Variants in SLC2A5 observed in about 807,000 individuals in gnomAD.
SLC2A5 encodes the protein solute carrier family 2, facilitated glucose transporter member 5.
Under a neutral mutation model 50.3 loss-of-function variants are expected in SLC2A5, and 56 were observed. The observed-to-expected ratio is 1.11, with a 90% confidence interval of 0.90 to 1.39. The LOEUF (loss-of-function observed/expected upper bound fraction) is 1.39, where lower values mean the gene tolerates loss of function less well. SLC2A5 is among the 40% of genes most tolerant of loss of function. The probability of loss-of-function intolerance (pLI) is 0.00; values close to 1 mark genes in which losing one functional copy is unlikely to be tolerated. For missense variants in SLC2A5, 566 were observed against 650.1 expected (o/e 0.87, Z 1.41); for synonymous variants, 269 against 281.9 (o/e 0.95, Z 0.46).
At position 9,038,878 on chromosome 1, in the gene SLC2A5, A is replaced by T. The variant is rs1448708273; in HGVS notation, c.1048T>A (p.Ser350Thr). ...GRRLLLLLGFSICLIACCVLT... is the reference protein window; with the variant it reads ...GRRLLLLLGFTICLIACCVLT... ...ACGCAGCAGGCTATGAGGCAGATGGAGAAGCCCAGCAGCAGCAGCAGCCTC... is the reference window on the plus strand; with the variant it reads ...ACGCAGCAGGCTATGAGGCAGATGGTGAAGCCCAGCAGCAGCAGCAGCCTC... The change falls in exon 9 of 12, where the codon TCC becomes ACC. Residue 350 changes from serine to threonine, a missense_variant. Physicochemically the swap from Ser to Thr is moderately conservative, Grantham distance 58. Coordinates refer to ENST00000377424, the MANE Select transcript of SLC2A5 (RefSeq NM_003039.3). 1 of 1,612,716 alleles carries T rather than the reference A, an allele frequency of 6.2e-7. No individual in the cohort carries two copies. The highest frequency in any genetic ancestry group is 8.5e-7 in the Non-Finnish European group (1 of 1,179,842).
upstream of SLC2A5, among the ~76,000 whole-genome samples, chr1:9,092,607 T>G (rs1454937864): frequency 6.6e-6 from 1 of 152,160 alleles, no homozygotes; most frequent in Non-Finnish European, 1.5e-5. Context: ...GGGTTCAATT[T>G]CTTTTAGTTC....
intron 4 of SLC2A5, among the ~76,000 whole-genome samples, chr1:9,047,395 T>C (rs1289593175): frequency 1.3e-5 from 2 of 152,210 alleles, no homozygotes; most frequent in African/African-American, 4.8e-5. Flanking sequence ...AGATTCTGCA[T>C]TTCAGTCTTT....
At chr1:9,048,263 C>A (rs1409543399) in intron 3 of SLC2A5, among the ~76,000 whole-genome samples, 2 of 152,156 alleles carry the variant, frequency 1.3e-5, no homozygotes, top group Non-Finnish European at 2.9e-5. Context: ...AATCCCAGCA[C>A]TTTGGGAGGC....
In SLC2A5 at chr1:9,039,635, G is replaced by A. The variant is rs371249455; in HGVS notation, c.913C>T (p.Leu305=). The A allele has an allele frequency of 1.3e-6, 2 of 1,560,092 alleles. No individual in the cohort carries two copies. Among genetic ancestry groups the A allele is most frequent in the African/African-American group, 2.7e-5 (2 of 73,268 alleles). ...AIYYYADQIY[L]SAGVPEEHVQ... ...TGCTCCTCCGGCACGCCGGCGCTCA[G>A]GTAGATCTGGTCCGCGTAGTAGTAG... The change falls in exon 8 of 12, where the codon CTG becomes TTG. Residue 305 remains leucine, a synonymous_variant. Transcript: ENST00000377424.
chr1:9,036,037 G>C lies in SLC2A5; in HGVS notation c.*1549C>G, dbSNP rs1641128260. The C allele has an allele frequency of 6.6e-6, 1 of 152,170 alleles. No individual in the cohort carries two copies. The allele number at this position is 152,170 out of a possible 1,614,324, so 9.4% of individuals were successfully genotyped here. A position where few individuals can be genotyped will look rare whatever the true frequency, so the allele number is the denominator to read the frequency against. On this transcript the variant is annotated 3_prime_UTR_variant, in exon 12 of 12. Coordinates refer to ENST00000377424, the MANE Select transcript of SLC2A5 (RefSeq NM_003039.3). Reference sequence around the variant, plus strand: ...TTATGGGAGCTACAATTCAAGATGAGATTTGGGTGGGGACACAGCCAAACC... The same window carrying C: ...TTATGGGAGCTACAATTCAAGATGACATTTGGGTGGGGACACAGCCAAACC...
intron 2 of SLC2A5, among the ~76,000 whole-genome samples, chr1:9,083,625 C>T (rs1238475973): frequency 6.6e-6 from 1 of 151,502 alleles, no homozygotes; most frequent in Non-Finnish European, 1.5e-5. Context: ...GAGTTCAAGA[C>T]CGGCCTGGCC....
At position 9,040,117 on chromosome 1, in the gene SLC2A5, T is replaced by C. The variant is rs1478864503; in HGVS notation, c.644A>G (p.Glu215Gly). 6.3e-7 allele frequency: 1 copy of C among 1,599,720 alleles called. No individual in the cohort carries two copies. Among genetic ancestry groups the C allele is most frequent in the South Asian group, 1.1e-5 (1 of 89,372 alleles). ...LQLLLLPFFP[E>G]SPRYLLIQKK... is the part of the protein sequence containing the mutation. ...CTGAATCAGCAGGTACCTGGGGCTC[T>C]CGGGGAAGAAGGGCAGCAGAAGGAG... The change falls in exon 6 of 12, where the codon GAG (glutamate) becomes GGG (glycine). Residue 215 changes from glutamate to glycine, a missense_variant. Glu to Gly is a moderately conservative substitution (Grantham distance 98). Coordinates refer to ENST00000377424, the MANE Select transcript of SLC2A5 (RefSeq NM_003039.3). This position sits in a 1 kb window ranked among gnomAD's most constrained non-coding sequence, Gnocchi z 4.3.
chr1:9,083,717 C>T (rs944440692), intron 2 of SLC2A5, among the ~76,000 whole-genome samples: 1 of 152,032 alleles, frequency 6.6e-6, no homozygotes, highest in South Asian at 2.1e-4. Context: ...CCCAGCTACT[C>T]GGGAGGCTGA....
At chr1:9,048,910 G>A (rs535574230) in intron 3 of SLC2A5, among the ~76,000 whole-genome samples, 1 of 152,254 alleles carries the variant, frequency 6.6e-6, no homozygotes, top group South Asian at 2.1e-4. Context: ...GCCCACCTCA[G>A]TCTCCCAAAC....
chr1:9,047,586 G>A, intron 4 of SLC2A5, 24 bp downstream of exon 4: 1 of 1,609,454 alleles, frequency 6.2e-7, no homozygotes, highest in Non-Finnish European at 8.5e-7. Context: ...TCACAGAATG[G>A]CAATACAGCA....
chr1:9,058,368 T>G, intron 1 of SLC2A5, 118 bp from the exon 2 acceptor site: 6 of 728,858 alleles, frequency 8.2e-6, no homozygotes, highest in Non-Finnish European at 1.4e-5. Flanking sequence ...TTGAGACTAC[T>G]CCATTCCTTG....
At chr1:9,052,039 A>G (rs1322967120) in intron 3 of SLC2A5, among the ~76,000 whole-genome samples, 2 of 152,218 alleles carry the variant, frequency 1.3e-5, no homozygotes, top group Non-Finnish European at 2.9e-5. Context: ...TAATCCCAGC[A>G]CCTTGGGAGG....
chr1:9,059,655 G>A (rs571729486), intron 1 of SLC2A5, among the ~76,000 whole-genome samples: 87 of 144,958 alleles, frequency 6.0e-4, no homozygotes, highest in Non-Finnish European at 1.0e-3. Context: ...TCAGCCTCCC[G>A]AGTAGCTGAG....
intron 3 of SLC2A5, among the ~76,000 whole-genome samples, chr1:9,050,951 T>C (rs1213128252): frequency 6.6e-6 from 1 of 152,124 alleles, no homozygotes; most frequent in Non-Finnish European, 1.5e-5. Context: ...CAGCGTCAAC[T>C]GGACTGATGA....
chr1:9,089,914 C>T (rs1269896947), upstream of SLC2A5, among the ~76,000 whole-genome samples: 2 of 152,168 alleles, frequency 1.3e-5, no homozygotes, highest in Non-Finnish European at 2.9e-5. Context: ...CCATGGAACC[C>T]AGGGTAATTT....
chr1:9,057,369 G>A, intron 3 of SLC2A5, 79 bp downstream of exon 3: 1 of 914,174 alleles, frequency 1.1e-6, no homozygotes, highest in Non-Finnish European at 1.6e-6. Flanking sequence ...TCATGGTAAG[G>A]ATTTCAGTTG....
rs540177172 is a variant in SLC2A5 at position 9,047,664 on chromosome 1, C to T, written c.364G>A (p.Ala122Thr). 25 of 1,613,954 alleles carry T rather than the reference C, an allele frequency of 1.5e-5. No individual in the cohort carries two copies. The East Asian group carries it at 2.7e-4, about 17-fold the overall frequency. The change falls in exon 4 of 12, where the codon GCC (alanine) becomes ACC (threonine). Residue 122 changes from alanine (A) to threonine (T), a missense_variant. Physicochemically the swap from Ala to Thr is moderately conservative, Grantham distance 58. Coordinates refer to ENST00000377424, the MANE Select transcript of SLC2A5 (RefSeq NM_003039.3). The stretch of plus-strand genomic sequence containing the variant: ...ATAATGATAAGCTCAAATGATGTGG[C>T]GACTCTGCTGCATCCCATTAAGATC... ...PAILMGCSRVATSFELIIISR... is the reference protein window; with the variant it reads ...PAILMGCSRVTTSFELIIISR...
At chr1:9,064,227 G>C (rs191057901) in intron 1 of SLC2A5, among the ~76,000 whole-genome samples, 2 of 152,262 alleles carry the variant, frequency 1.3e-5, no homozygotes, top group South Asian at 2.1e-4. Flanking sequence ...TAGAAAGAAG[G>C]CTTAAGCCCT....
intron 2 of SLC2A5, among the ~76,000 whole-genome samples, chr1:9,076,328 C>T (rs1443813997): frequency 6.6e-6 from 1 of 152,136 alleles, no homozygotes; most frequent in Non-Finnish European, 1.5e-5. Flanking sequence ...GAAGAGAAAG[C>T]AGAAGTTCCC....
Sources: allele counts gnomAD v4.1 joint callset (sites outside exome capture counted in the v4.1 genomes callset), GRCh38; gene constraint gnomAD v4.1.1; non-coding constraint Gnocchi (gnomAD v3.1); transcripts MANE v1.5; gene names NCBI Gene and HGNC (gene_info 2026-07-23, HGNC 2026-07-21).